Variants in TNFSF10 observed in about 807,000 individuals in gnomAD.
TNFSF10 encodes the protein tumor necrosis factor ligand superfamily member 10.
TNFSF10 carries 13 observed loss-of-function variants against 29.5 expected under a neutral mutation model. The observed-to-expected ratio is 0.44, with a 90% CI of 0.29 to 0.70. The LOEUF is 0.70. TNFSF10 is among the 30% of genes least tolerant of loss of function. TNFSF10 has a pLI of 0.13. For missense variants in TNFSF10, 345 were observed against 330.9 expected, an observed-to-expected ratio of 1.04 and a Z score of -0.33; for synonymous variants, 111 against 112.8, an observed-to-expected ratio of 0.98 and a Z score of 0.10.
At chr3:172,512,092 C>T (rs1040659984) in intron 2 of TNFSF10, among the ~76,000 whole-genome samples, 1 of 152,092 alleles carries the variant, frequency 6.6e-6, no homozygotes, top group Non-Finnish European at 1.5e-5. Context: ...AGCCCAGGGG[C>T]TTAAAATTAT....
chr3:172,512,435 T>G (rs1560145448), intron 2 of TNFSF10, among the ~76,000 whole-genome samples: 1 of 152,192 alleles, frequency 6.6e-6, no homozygotes, highest in East Asian at 1.9e-4. Flanking sequence ...CCTTCTCCCA[T>G]CACTGCCCTC....
chr3:172,520,263 T>A (rs1226366201), intron 1 of TNFSF10, among the ~76,000 whole-genome samples: 1 of 152,236 alleles, frequency 6.6e-6, no homozygotes, highest in Non-Finnish European at 1.5e-5. Context: ...CTGTCAAAGA[T>A]ACCTCAATTT....
At chr3:172,513,849 T>C (rs74470408) in intron 2 of TNFSF10, among the ~76,000 whole-genome samples, 1 of 147,450 alleles carries the variant, frequency 6.8e-6, no homozygotes, top group African/African-American at 2.6e-5. Context: ...TTTTTTTTTT[T>C]GGTTTTTGAG....
At chr3:172,518,909 T>C (rs1441742857) in intron 1 of TNFSF10, among the ~76,000 whole-genome samples, 2 of 151,216 alleles carry the variant, frequency 1.3e-5, no homozygotes, top group Non-Finnish European at 2.9e-5. Context: ...ACTATAAAAA[T>C]AGCATTGTAT....
intron 4 of TNFSF10, chr3:172,507,149 G>A (rs986208786): frequency 3.9e-6 from 2 of 519,448 alleles, no homozygotes; most frequent in Non-Finnish European, 6.7e-6. Context: ...GGAGTCCCTT[G>A]TCTTTTTATA....
intron 4 of TNFSF10, among the ~76,000 whole-genome samples, chr3:172,507,684 A>G (rs1713041378): frequency 6.6e-6 from 1 of 152,108 alleles, no homozygotes; most frequent in Non-Finnish European, 1.5e-5. Flanking sequence ...TAATCCCCTC[A>G]CTTGTAGGCA....
At chr3:172,517,991 G>A (rs1366205262) in intron 1 of TNFSF10, 2 of 985,772 alleles carry the variant, frequency 2.0e-6, no homozygotes, top group African/African-American at 3.5e-5. Context: ...TATAGAACTT[G>A]GCCAATGCTG....
Position 172,509,140 on chromosome 3 carries a change from A to T in TNFSF10, c.418+77T>A, listed in dbSNP as rs2108444744. On this transcript the variant is annotated intron_variant, in intron 4 of 4. Transcript: ENST00000241261. ...TAGCCATATAAACATTTCAGATAAA[A>T]TTCTTTAAAAAATAAGTTACTTGGC... 3 of 1,246,928 alleles carry T rather than the reference A, an allele frequency of 2.4e-6. No individual in the cohort carries two copies. In the South Asian group the frequency reaches 4.1e-5, roughly 17 times the overall value. The allele number at this position is 1,246,928 out of a possible 1,614,324, so 77.2% of individuals were successfully genotyped here.
intron 2 of TNFSF10, among the ~76,000 whole-genome samples, chr3:172,512,466 A>C (rs1713265290): frequency 6.6e-6 from 1 of 152,146 alleles, no homozygotes; most frequent in Non-Finnish European, 1.5e-5. Context: ...ACTGTAGTTA[A>C]TGTTGCAACT....
intron 3 of TNFSF10, 22 bp from the exon 4 acceptor site, chr3:172,509,343 G>A (rs184058351): frequency 1.9e-6 from 3 of 1,597,988 alleles, no homozygotes; most frequent in Admixed American, 3.4e-5. Flanking sequence ...ATGATAAAGG[G>A]TCATCAACAC....
intron 1 of TNFSF10, 56 bp from the exon 2 acceptor site, chr3:172,515,054 T>C: frequency 6.2e-7 from 1 of 1,610,176 alleles, no homozygotes; most frequent in Non-Finnish European, 8.5e-7. Flanking sequence ...TTATTTTTGT[T>C]CATTTGGAAG....
At chr3:172,515,655 T>C (rs906520908) in intron 1 of TNFSF10, among the ~76,000 whole-genome samples, 1 of 152,172 alleles carries the variant, frequency 6.6e-6, no homozygotes, top group Non-Finnish European at 1.5e-5. Flanking sequence ...AAACACTCTT[T>C]GAAGGTTTTC....
Position 172,511,677 on chromosome 3 carries a change from T to C in TNFSF10, c.271-18A>G. 1 of 1,607,648 alleles carries C rather than the reference T, an allele frequency of 6.2e-7. No individual in the cohort carries two copies. The highest frequency in any genetic ancestry group is 8.5e-7 in the Non-Finnish European group (1 of 1,176,154). ...AAAATCATCTGCAAATATTATTGAA[T>C]AAAGCTTGTTAATTTCCCTAAAAAT... On this transcript the variant is annotated intron_variant, in intron 2 of 4. Coordinates refer to ENST00000241261, the MANE Select transcript of TNFSF10 (RefSeq NM_003810.4).
At chr3:172,513,902 G>A (rs1287940159) in intron 2 of TNFSF10, among the ~76,000 whole-genome samples, 1 of 151,018 alleles carries the variant, frequency 6.6e-6, no homozygotes, top group Non-Finnish European at 1.5e-5. Context: ...GCAGTGGCAT[G>A]ATCTCAGCTC....
chr3:172,506,320 G>A lies in TNFSF10; in HGVS notation c.*172C>T, dbSNP rs1311418552. The A allele has an allele frequency of 1.7e-5, 11 of 663,324 alleles. No individual in the cohort carries two copies. The highest frequency in any genetic ancestry group is 2.7e-5 in the Non-Finnish European group (11 of 401,574). The allele number at this position is 663,324 out of a possible 1,614,324, so 41.1% of individuals were successfully genotyped here. A position where few individuals can be genotyped will look rare whatever the true frequency, so the allele number is the denominator to read the frequency against. The stretch of plus-strand genomic sequence containing the variant: ...AAGTGAGTCACTTTCAGAACAGTGT[G>A]TGTTGTAGAATTTTTTGGTTGTGGC... On this transcript the variant is annotated 3_prime_UTR_variant, in exon 5 of 5. Coordinates refer to ENST00000241261, the MANE Select transcript of TNFSF10 (RefSeq NM_003810.4).
intron 2 of TNFSF10, among the ~76,000 whole-genome samples, chr3:172,513,024 T>A (rs1713288296): frequency 1.3e-5 from 2 of 152,230 alleles, no homozygotes; most frequent in Non-Finnish European, 2.9e-5. Context: ...GGAATAAATC[T>A]GTTCAACTAA....
chr3:172,506,909 A>T lies in TNFSF10; in HGVS notation c.429T>A (p.Asn143Lys). ...SNTLSSPNSK[N>K]EKALGRKINS... ...TTATTTTGCGGCCCAGAGCCTTTTCATTCTTGGAGTCTGTAGGAAATTTAG... is the reference window on the plus strand; with the variant it reads ...TTATTTTGCGGCCCAGAGCCTTTTCTTTCTTGGAGTCTGTAGGAAATTTAG... Residue 143 changes from asparagine (N) to lysine (K), a missense_variant, in exon 5 of 5, where the codon AAT (asparagine) becomes AAA (lysine). Transcript: ENST00000241261. The T allele has an allele frequency of 6.3e-7, 1 of 1,595,654 alleles. No homozygotes were observed. Among genetic ancestry groups the T allele is most frequent in the Non-Finnish European group, 8.5e-7 (1 of 1,173,384 alleles).
rs540977603 is a variant in TNFSF10 at position 172,514,935 on chromosome 3, C to T, written c.196G>A (p.Asp66Asn). The T allele has an allele frequency of 1.2e-6, 2 of 1,614,114 alleles. No homozygotes were observed. Among genetic ancestry groups the T allele is most frequent in the Non-Finnish European group, 8.5e-7 (1 of 1,180,018 alleles). The part of the protein sequence containing the change: ...CFLKEDDSYW[D>N]PNDEESMNSP... ...TTCATACTCTCTTCGTCATTGGGGTCCCAATAACTGTCATCTTCTTTTAAG... is the reference window on the plus strand; with the variant it reads ...TTCATACTCTCTTCGTCATTGGGGTTCCAATAACTGTCATCTTCTTTTAAG... The change falls in exon 2 of 5, where the codon GAC (aspartate) becomes AAC (asparagine). Residue 66 changes from aspartate (D) to asparagine (N), a missense_variant. Physicochemically the swap from Asp to Asn is conservative, Grantham distance 23. Transcript: ENST00000241261.
intron 4 of TNFSF10, among the ~76,000 whole-genome samples, chr3:172,508,248 T>C (rs145379062): frequency 0.013 from 1,977 of 151,422 alleles, 49 homozygotes; most frequent in African/African-American, 0.046. Flanking sequence ...TGAGCCGAGA[T>C]GGCACCATTG....
Sources: gnomAD v4.1 joint callset for allele counts (sites outside exome capture counted in the v4.1 genomes callset) on GRCh38, gnomAD v4.1.1 for gene constraint, MANE v1.5 for transcripts, NCBI Gene and HGNC (gene_info 2026-07-23, HGNC 2026-07-21) for gene names.